The following ADORA2A variants were observed in gnomAD, a reference collection of about 807,000 sequenced individuals.
The protein encoded by ADORA2A is adenosine A2a receptor.
A neutral mutation model predicts 18.4 loss-of-function variants in ADORA2A; 11 were observed. The ratio of observed to expected loss-of-function variants is 0.60; its 90% confidence interval spans 0.38 to 0.99. The LOEUF (loss-of-function observed/expected upper bound fraction) is 0.99. Ranked by LOEUF, ADORA2A falls within the 50% of genes least tolerant of loss-of-function variation. ADORA2A has a pLI of 0.01. For synonymous variants in ADORA2A, 218 were observed against 237.3 expected (o/e 0.92, Z 0.75); for missense variants, 449 against 556.1 (o/e 0.81, Z 1.94).
upstream of ADORA2A, among the ~76,000 whole-genome samples, chr22:24,424,948 G>A (rs188920615): frequency 3.6e-4 from 55 of 152,224 alleles, 1 homozygote; most frequent in East Asian, 0.01. This position sits in a 1 kb window ranked among gnomAD's most constrained non-coding sequence, Gnocchi z 4.9. Context: ...GGGGAGTCGG[G>A]GCCCTGCAAA....
rs1236154233 is a variant in ADORA2A at position 24,441,010 on chromosome 22, T to C, written c.760T>C (p.Cys254Arg). Reference sequence around the variant, plus strand: ...CTGGCTGCCCCTACACATCATCAACTGCTTCACTTTCTTCTGCCCCGACTG... The same window carrying C: ...CTGGCTGCCCCTACACATCATCAACCGCTTCACTTTCTTCTGCCCCGACTG... ...LCWLPLHIIN[C>R]FTFFCPDCSH... The change falls in exon 3 of 3, where the codon TGC becomes CGC. Residue 254 changes from cysteine (C) to arginine (R), a missense_variant. Physicochemically the swap from Cys to Arg is radical, Grantham distance 180. Coordinates refer to ENST00000337539, the MANE Select transcript of ADORA2A (RefSeq NM_000675.6). The C allele has an allele frequency of 6.2e-7, 1 of 1,614,196 alleles. No homozygotes were observed. The highest frequency in any genetic ancestry group is 1.7e-5 in the Admixed American group (1 of 60,024).
chr22:24,440,758 G>T lies in ADORA2A; in HGVS notation c.508G>T (p.Asp170Tyr). 6.2e-7 allele frequency: 1 copy of T among 1,614,230 alleles called. No homozygotes were observed. Residue 170 changes from aspartate (D) to tyrosine (Y), a missense_variant, in exon 3 of 3, where the codon GAT becomes TAT. Physicochemically the swap from Asp to Tyr is radical, Grantham distance 160 (BLOSUM62 -3). Coordinates refer to ENST00000337539, the MANE Select transcript of ADORA2A (RefSeq NM_000675.6). ...GGGCCAAGTGGCCTGTCTCTTTGAG[G>T]ATGTGGTCCCCATGAACTACATGGT... Reference protein sequence around the residue: ...GEGQVACLFEDVVPMNYMVYF... With the variant: ...GEGQVACLFEYVVPMNYMVYF...
chr22:24,428,362 G>C (rs1181347547), intron 1 of ADORA2A, among the ~76,000 whole-genome samples: 1 of 152,210 alleles, frequency 6.6e-6, no homozygotes, highest in East Asian at 1.9e-4. Flanking sequence ...GTTTCTGGGA[G>C]AATTCCTCAG....
intron 1 of ADORA2A, among the ~76,000 whole-genome samples, chr22:24,428,730 T>C (rs2042957628): frequency 6.6e-6 from 1 of 152,222 alleles, no homozygotes; most frequent in South Asian, 2.1e-4. Flanking sequence ...CGACTCCTCT[T>C]AGCTGAGCCA....
chr22:24,425,776 G>T (rs576775903), upstream of ADORA2A, among the ~76,000 whole-genome samples: 55 of 152,380 alleles, frequency 3.6e-4, 2 homozygotes, highest in South Asian at 0.011. Flanking sequence ...GGAGATTTCA[G>T]TGCTCTCGTC....
Position 24,433,279 on chromosome 22 carries a change from G to A in ADORA2A, c.-126G>A. ...GCTGCACTTGGCTCCTGTGAGGAAG[G>A]GGCTCAGGGGTCTGGGCCCCTCCGC... On this transcript the variant is annotated 5_prime_UTR_variant, in exon 2 of 3. Transcript: ENST00000337539. The A allele has an allele frequency of 1.1e-6, 1 of 890,570 alleles. No homozygotes were observed. Among genetic ancestry groups the A allele is most frequent in the Non-Finnish European group, 1.7e-6 (1 of 596,252 alleles). The allele number at this position is 890,570 out of a possible 1,614,324, so 55.2% of individuals were successfully genotyped here.
intron 2 of ADORA2A, among the ~76,000 whole-genome samples, chr22:24,435,672 G>C (rs770643817): frequency 1.3e-5 from 2 of 152,146 alleles, no homozygotes; most frequent in African/African-American, 2.4e-5. Flanking sequence ...TGTTCTGAAG[G>C]TCCAGTGAGT....
rs1439944763 is a variant in ADORA2A, at chr22:24,440,692, C to A, written c.442C>A (p.Gln148Lys). ...TPMLGWNNCG[Q>K]PKEGKNHSQG... Reference sequence around the variant, plus strand: ...CATGCTAGGTTGGAACAACTGCGGTCAGCCAAAGGAGGGCAAGAACCACTC... The same window carrying A: ...CATGCTAGGTTGGAACAACTGCGGTAAGCCAAAGGAGGGCAAGAACCACTC... Residue 148 changes from glutamine to lysine, a missense_variant, in exon 3 of 3, where the codon CAG (glutamine) becomes AAG (lysine). Gln to Lys is a moderately conservative substitution (Grantham distance 53). Coordinates refer to ENST00000337539, the MANE Select transcript of ADORA2A (RefSeq NM_000675.6). The A allele has an allele frequency of 1.2e-6, 2 of 1,613,584 alleles. No individual in the cohort carries two copies. Among genetic ancestry groups the A allele is most frequent in the Admixed American group, 1.7e-5 (1 of 59,988 alleles).
intron 1 of ADORA2A, chr22:24,430,187 G>A (rs3761420): frequency 0.38 from 57,827 of 152,400 alleles, 13,003 homozygotes; most frequent in Non-Finnish European, 0.49. Flanking sequence ...GGCCCAGGTT[G>A]CCTGTGGGTC....
In ADORA2A at chr22:24,441,381, C is replaced by T; in HGVS notation, c.1131C>T (p.Asn377=). ...SGGSAQESQG[N]TGLPDVELLS... is the part of the protein sequence containing the mutation. ...GGAGTGCCCAAGAGTCCCAGGGGAA[C>T]ACGGGCCTCCCAGACGTGGAGCTCC... The change falls in exon 3 of 3, where the codon AAC becomes AAT. Residue 377 remains asparagine (N), a synonymous_variant. Transcript: ENST00000337539. 6.4e-7 allele frequency: 1 copy of T among 1,573,130 alleles called. No individual in the cohort carries two copies.
chr22:24,430,839 A>G, intron 1 of ADORA2A: 2 of 339,172 alleles, frequency 5.9e-6, no homozygotes, highest in East Asian at 7.8e-5. Context: ...GGTGGGAGGC[A>G]GGATCCCTGG....
In ADORA2A at chr22:24,441,065, T is replaced by C; in HGVS notation, c.815T>C (p.Leu272Pro). 1 of 1,614,152 alleles carries C rather than the reference T, an allele frequency of 6.2e-7. No individual in the cohort carries two copies. The highest frequency in any genetic ancestry group is 2.2e-5 in the East Asian group (1 of 44,890). Residue 272 changes from leucine to proline, a missense_variant, in exon 3 of 3, where the codon CTG becomes CCG. By Grantham distance (98) the Leu-to-Pro change is moderately conservative. Coordinates refer to ENST00000337539, the MANE Select transcript of ADORA2A (RefSeq NM_000675.6). Reference protein sequence around the residue: ...CSHAPLWLMYLAIVLSHTNSV... With the variant: ...CSHAPLWLMYPAIVLSHTNSV... The stretch of plus-strand genomic sequence containing the variant: ...CACGCCCCTCTCTGGCTCATGTACC[T>C]GGCCATCGTCCTCTCCCACACCAAT...
intron 2 of ADORA2A, among the ~76,000 whole-genome samples, chr22:24,434,504 T>C (rs995464338): frequency 1.3e-5 from 2 of 152,226 alleles, no homozygotes; most frequent in African/African-American, 2.4e-5. Flanking sequence ...ACCCAGGCCA[T>C]AGATGAGGCT....
At chr22:24,427,352 T>A (rs779340397), upstream of ADORA2A, among the ~76,000 whole-genome samples, 1 of 152,058 alleles carries the variant, frequency 6.6e-6, no homozygotes, top group Non-Finnish European at 1.5e-5. Context: ...CCCATCCTCA[T>A]TGCAGCCACC....
At chr22:24,430,887 GGACAGTC>G (rs2043014702) in intron 1 of ADORA2A, 1 of 355,842 alleles carries the variant, frequency 2.8e-6, no homozygotes, top group Non-Finnish European at 5.5e-6. Context: ...GGGCCTCACT[GGACAGTC>G]GCCTGTTGCT....
upstream of ADORA2A, among the ~76,000 whole-genome samples, chr22:24,425,827 G>T (rs1237383649): frequency 6.6e-6 from 1 of 152,266 alleles, no homozygotes; most frequent in Non-Finnish European, 1.5e-5. Flanking sequence ...CGCTGAGCAG[G>T]TTGCTGTCCC....
intron 2 of ADORA2A, among the ~76,000 whole-genome samples, chr22:24,437,043 A>G (rs1019336070): frequency 1.3e-5 from 2 of 152,192 alleles, no homozygotes; most frequent in East Asian, 1.9e-4. Flanking sequence ...TCTTGGATCA[A>G]TGACTCCTTT....
rs1261102428 is a variant in ADORA2A, at chr22:24,433,699, G to A, written c.295G>A (p.Ala99Thr). 1.2e-6 allele frequency: 2 copies of A among 1,609,748 alleles called. No homozygotes were observed. The highest frequency in any genetic ancestry group is 8.5e-7 in the Non-Finnish European group (1 of 1,179,998). The change falls in exon 2 of 3, where the codon GCC (alanine) becomes ACC (threonine). Residue 99 changes from alanine to threonine, a missense_variant. Physicochemically the swap from Ala to Thr is moderately conservative, Grantham distance 58 (BLOSUM62 0). Transcript: ENST00000337539. ...QSSIFSLLAI[A>T]IDRYIAIRIP... ...CTCCATCTTCAGTCTCCTGGCCATC[G>A]CCATTGACCGCTACATTGCCATCCG... is the stretch of plus-strand genomic sequence containing the variant.
chr22:24,425,347 C>T (rs947575904), upstream of ADORA2A, among the ~76,000 whole-genome samples: 12 of 136,906 alleles, frequency 8.8e-5, 1 homozygote, highest in East Asian at 2.1e-4. Flanking sequence ...ACCCCCCCCC[C>T]CCCCGCCCAA....
Sources: allele counts gnomAD v4.1 joint callset (sites outside exome capture counted in the v4.1 genomes callset), GRCh38; gene constraint gnomAD v4.1.1; non-coding constraint Gnocchi (gnomAD v3.1); transcripts MANE v1.5; gene names NCBI Gene and HGNC (gene_info 2026-07-23, HGNC 2026-07-21).